BAG4: variants seen among roughly 807,000 people sequenced by gnomAD.
The protein encoded by BAG4 is BAG family molecular chaperone regulator 4.
BAG4 carries 28 observed loss-of-function variants against 52.1 expected under a neutral mutation model. That is an observed-to-expected ratio of 0.54 (90% CI 0.40 to 0.74). The LOEUF (loss-of-function observed/expected upper bound fraction) is 0.74. Ranked by LOEUF, BAG4 falls within the 30% of genes least tolerant of loss-of-function variation. The probability of loss-of-function intolerance (pLI) is 0.00; values close to 1 mark genes in which losing one functional copy is unlikely to be tolerated. For missense variants in BAG4, 525 were observed against 572.0 expected (o/e 0.92, Z 0.84); for synonymous variants, 208 against 217.0 (o/e 0.96, Z 0.37).
chr8:38,200,004 A>AC (rs199565089), intron 2 of BAG4, among the ~76,000 whole-genome samples: 3 of 135,368 alleles, frequency 2.2e-5, no homozygotes. Context: ...TTATCTTGGT[A>AC]CCCCCTTTTT....
chr8:38,183,036 C>CTTTTTT (rs539995423), intron 1 of BAG4, among the ~76,000 whole-genome samples: 2 of 100,100 alleles, frequency 2.0e-5, no homozygotes, highest in African/African-American at 7.4e-5. Flanking sequence ...ACTGACCCAT[C>CTTTTTT]TTTTTTTTTT....
intron 2 of BAG4, among the ~76,000 whole-genome samples, chr8:38,207,263 AATT>A (rs1286226427): frequency 2.0e-5 from 3 of 151,656 alleles, no homozygotes; most frequent in Non-Finnish European, 4.4e-5. Flanking sequence ...ATGCCTGGCT[AATT>A]ATTTTATTTT....
At chr8:38,201,360 T>A (rs1162946501) in intron 2 of BAG4, among the ~76,000 whole-genome samples, 2 of 152,176 alleles carry the variant, frequency 1.3e-5, no homozygotes, top group African/African-American at 4.8e-5. Flanking sequence ...ACCACCCAGT[T>A]CATTGTAGTG....
At position 38,202,906 on chromosome 8, in the gene BAG4, A is replaced by G. The variant is rs577383694; in HGVS notation, c.379-4606A>G. 3 of 152,108 alleles carry G rather than the reference A, an allele frequency of 2.0e-5. No homozygotes were observed. In the East Asian group the frequency reaches 5.8e-4, roughly 29 times the overall value. The allele number at this position is 152,108 out of a possible 1,614,324, so 9.4% of individuals were successfully genotyped here. ...AAATCTGTTCTGAAGTCCTAGAAGC[A>G]TTTTCTTCCTTTTTGGATTCCGTCT... On this transcript the variant is annotated intron_variant, in intron 2 of 4. Coordinates refer to ENST00000287322, the MANE Select transcript of BAG4 (RefSeq NM_004874.4).
At chr8:38,207,363 A>G (rs902592490) in intron 2 of BAG4, 149 bp from the exon 3 acceptor site, 2 of 864,494 alleles carry the variant, frequency 2.3e-6, no homozygotes, top group Non-Finnish European at 3.5e-6. Context: ...TGGGCTCCCA[A>G]AGTGCTGGGA....
At chr8:38,183,768 C>T (rs1803315235) in intron 1 of BAG4, among the ~76,000 whole-genome samples, 1 of 152,062 alleles carries the variant, frequency 6.6e-6, no homozygotes, top group Non-Finnish European at 1.5e-5. Flanking sequence ...AGCTATCCTC[C>T]CGCCTCTGCC....
chr8:38,200,796 C>T (rs146008688), intron 2 of BAG4, among the ~76,000 whole-genome samples: 1 of 152,004 alleles, frequency 6.6e-6, no homozygotes, highest in Admixed American at 6.6e-5. Context: ...TGGGGTTTCT[C>T]CATGTTGGTC....
rs1228101601 is a variant in BAG4 at position 38,210,005 on chromosome 8, A to G, written c.889-3A>G. On this transcript the variant is annotated splice_region_variant and splice_polypyrimidine_tract_variant and intron_variant, in intron 4 of 4. Coordinates refer to ENST00000287322, the MANE Select transcript of BAG4 (RefSeq NM_004874.4). ...TTTCCTCTTTTTGCTCTCCCACTCC[A>G]AGGATTCTTCATACCCCTATAGCCA... 1 of 1,610,684 alleles carries G rather than the reference A, an allele frequency of 6.2e-7. No homozygotes were observed. The highest frequency in any genetic ancestry group is 8.5e-7 in the Non-Finnish European group (1 of 1,177,658).
At chr8:38,196,135 T>A (rs1345285990) in intron 2 of BAG4, among the ~76,000 whole-genome samples, 1 of 152,246 alleles carries the variant, frequency 6.6e-6, no homozygotes, top group East Asian at 1.9e-4. Flanking sequence ...TAAATGATGC[T>A]GCTACAACCT....
intron 2 of BAG4, among the ~76,000 whole-genome samples, chr8:38,206,360 G>A (rs896731573): frequency 2.6e-5 from 4 of 151,466 alleles, no homozygotes; most frequent in African/African-American, 9.7e-5. Context: ...TGCCTAGCTT[G>A]AATCTTGTTT....
chr8:38,204,711 C>T (rs1356341690), intron 2 of BAG4, among the ~76,000 whole-genome samples: 1 of 151,634 alleles, frequency 6.6e-6, no homozygotes, highest in African/African-American at 2.4e-5. Context: ...ACAACAAAAG[C>T]CACATAAAAG....
intron 3 of BAG4, 130 bp downstream of exon 3, chr8:38,207,896 T>A: frequency 1.7e-6 from 2 of 1,143,062 alleles, no homozygotes; most frequent in Admixed American, 2.9e-5. Context: ...TTTATATTGA[T>A]GCCTTTCTTA....
intron 1 of BAG4, among the ~76,000 whole-genome samples, chr8:38,187,153 A>C (rs1331853560): frequency 1.3e-5 from 2 of 152,262 alleles, no homozygotes; most frequent in African/African-American, 2.4e-5. Flanking sequence ...ACTTCAAAGT[A>C]GCCATTATAT....
At chr8:38,179,099 T>C (rs1803220016) in intron 1 of BAG4, among the ~76,000 whole-genome samples, 1 of 152,254 alleles carries the variant, frequency 6.6e-6, no homozygotes, top group African/African-American at 2.4e-5. Context: ...AGTATGTTGA[T>C]TATATCACAG....
intron 2 of BAG4, among the ~76,000 whole-genome samples, chr8:38,198,413 T>C (rs1403276032): frequency 6.6e-6 from 1 of 150,794 alleles, no homozygotes; most frequent in Non-Finnish European, 1.5e-5. Context: ...TTTCTTTCTT[T>C]TTTTTTTTAA....
intron 2 of BAG4, among the ~76,000 whole-genome samples, chr8:38,197,841 A>T (rs540495681): frequency 6.6e-6 from 1 of 152,000 alleles, no homozygotes; most frequent in African/African-American, 2.4e-5. Context: ...CTGGGACTAC[A>T]GGCGTGTGCC....
Position 38,210,421 on chromosome 8 carries a change from A to G in BAG4, c.1302A>G (p.Val434=), listed in dbSNP as rs955822998. The G allele has an allele frequency of 1.1e-5, 17 of 1,608,888 alleles. 1 individual carries two copies. The Admixed American group carries it at 2.6e-4, about 24-fold the overall frequency. ...DSVETGGQDS[V]RQARKEAVCK... ...TTGAAACTGGGGGCCAGGACTCTGT[A>G]CGGCAGGCCAGAAAAGAGGCTGTTT... Residue 434 remains valine, a synonymous_variant, in exon 5 of 5, where the codon GTA becomes GTG. Coordinates refer to ENST00000287322, the MANE Select transcript of BAG4 (RefSeq NM_004874.4).
intron 2 of BAG4, among the ~76,000 whole-genome samples, chr8:38,193,886 G>A (rs1803519304): frequency 6.6e-6 from 1 of 152,064 alleles, no homozygotes; most frequent in African/African-American, 2.4e-5. Context: ...CTACAGGCAT[G>A]TGCCACCACA....
At chr8:38,177,892 CCT>C (rs371618990) in intron 1 of BAG4, among the ~76,000 whole-genome samples, 143 of 152,202 alleles carry the variant, frequency 9.4e-4, no homozygotes, top group African/African-American at 3.3e-3. Context: ...TGGCAGCATA[CCT>C]CTCTGTTCGT....
Sources: allele counts gnomAD v4.1 joint callset (sites outside exome capture counted in the v4.1 genomes callset), GRCh38; gene constraint gnomAD v4.1.1; transcripts MANE v1.5; gene names NCBI Gene and HGNC (gene_info 2026-07-23, HGNC 2026-07-21).